ZRANB3: variants seen among roughly 807,000 people sequenced by gnomAD.
ZRANB3 encodes the protein zinc finger RANBP2-type containing 3, also known as DNA annealing helicase and endonuclease ZRANB3.
In ZRANB3, 125 loss-of-function variants were observed where a neutral mutation model predicts 133.8. That is an observed-to-expected ratio of 0.93 (90% CI 0.81 to 1.08). ZRANB3 has a LOEUF of 1.08. Among genes scored for constraint, ZRANB3 ranks in the 50% least tolerant of loss-of-function variants. The pLI, the probability that ZRANB3 is intolerant of heterozygous loss-of-function variation, is 0.00. For missense variants in ZRANB3, 1,229 were observed against 1,275.5 expected (o/e 0.96, Z 0.56); for synonymous variants, 387 against 432.7 (o/e 0.89, Z 1.31).
At chr2:135,327,552 TAGTC>T (rs1191096720) in intron 6 of ZRANB3, among the ~76,000 whole-genome samples, 3 of 152,184 alleles carry the variant, frequency 2.0e-5, no homozygotes, top group African/African-American at 4.8e-5. Context: ...TTAATATACT[TAGTC>T]AATAATATAA....
At chr2:135,327,871 G>A (rs964550097) in intron 6 of ZRANB3, among the ~76,000 whole-genome samples, 2 of 151,948 alleles carry the variant, frequency 1.3e-5, no homozygotes, top group Admixed American at 6.6e-5. Context: ...TTTAGTTACT[G>A]ATATCAAAAA....
At chr2:135,428,433 A>G (rs1689186228) in intron 2 of ZRANB3, among the ~76,000 whole-genome samples, 1 of 149,314 alleles carries the variant, frequency 6.7e-6, no homozygotes, top group Non-Finnish European at 1.5e-5. Context: ...TTCCAAAAAA[A>G]AAAAAAAAAA....
At chr2:135,274,987 T>C (rs1466946227) in intron 9 of ZRANB3, among the ~76,000 whole-genome samples, 1 of 152,252 alleles carries the variant, frequency 6.6e-6, no homozygotes, top group Non-Finnish European at 1.5e-5. Flanking sequence ...GAATTTTTCT[T>C]AGTACAGAAC....
chr2:135,451,761 C>G (rs994747725), intron 2 of ZRANB3, among the ~76,000 whole-genome samples: 3 of 152,124 alleles, frequency 2.0e-5, no homozygotes, highest in Non-Finnish European at 4.4e-5. Flanking sequence ...AAAACTGTTA[C>G]TAATTACAGC....
At chr2:135,230,968 C>A (rs1215146078) in intron 12 of ZRANB3, 41 bp from the exon 13 acceptor site, 2 of 1,490,354 alleles carry the variant, frequency 1.3e-6, no homozygotes, top group Non-Finnish European at 1.8e-6. Context: ...AAGAAGCAAT[C>A]TAATATGTTC....
intron 2 of ZRANB3, among the ~76,000 whole-genome samples, chr2:135,497,961 G>A (rs960959093): frequency 3.9e-5 from 6 of 151,970 alleles, no homozygotes; most frequent in Non-Finnish European, 5.9e-5. Flanking sequence ...GCTGAGGCAG[G>A]AGAATCGCTG....
At position 135,306,582 on chromosome 2, in the gene ZRANB3, G is replaced by A. The variant is rs544329041; in HGVS notation, c.966+6907C>T. ...GCTGGGATTACAGGCATGAGCCACC[G>A]CACCCGGCCTTTTTTTTTTTTTTTA... On this transcript the variant is annotated intron_variant, in intron 8 of 20. Transcript: ENST00000264159. Among the ~76,000 whole-genome samples, 23 of 141,020 alleles carry A rather than the reference G, an allele frequency of 1.6e-4. No homozygotes were observed. The South Asian group carries it at 2.2e-3, about 14-fold the overall frequency. 92.5% of individuals were successfully genotyped at this position (141,020 alleles called of 152,430 possible).
chr2:135,311,256 G>A (rs1682955298), intron 8 of ZRANB3, among the ~76,000 whole-genome samples: 1 of 152,078 alleles, frequency 6.6e-6, no homozygotes, highest in Non-Finnish European at 1.5e-5. Flanking sequence ...TTAAAAGCAC[G>A]ATGAGATGCC....
chr2:135,376,450 C>A (rs534335920), intron 3 of ZRANB3, among the ~76,000 whole-genome samples: 17 of 152,270 alleles, frequency 1.1e-4, no homozygotes, highest in African/African-American at 3.4e-4. Context: ...GTCTCTTCAT[C>A]TTTGTGAACG....
intron 8 of ZRANB3, among the ~76,000 whole-genome samples, chr2:135,308,330 T>C (rs1297743449): frequency 6.6e-6 from 1 of 152,130 alleles, no homozygotes; most frequent in Non-Finnish European, 1.5e-5. Context: ...CATCATGGAC[T>C]AGGCTTTGAG....
At chr2:135,203,910 C>T (rs1693740875) in intron 19 of ZRANB3, among the ~76,000 whole-genome samples, 1 of 152,134 alleles carries the variant, frequency 6.6e-6, no homozygotes, top group South Asian at 2.1e-4. Flanking sequence ...TCAATGATAA[C>T]CTACATTAAA....
chr2:135,257,311 T>TA (rs1335471998), intron 12 of ZRANB3, among the ~76,000 whole-genome samples: 20 of 152,232 alleles, frequency 1.3e-4, no homozygotes, highest in Admixed American at 1.3e-3. Flanking sequence ...TGGTAACATA[T>TA]AGATTAACCA....
At chr2:135,406,931 T>A (rs1424821808) in intron 2 of ZRANB3, among the ~76,000 whole-genome samples, 1 of 152,160 alleles carries the variant, frequency 6.6e-6, no homozygotes, top group Non-Finnish European at 1.5e-5. Flanking sequence ...ATGCCCTCTC[T>A]CACCACTCCT....
At chr2:135,375,629 G>T (rs1401737232) in intron 3 of ZRANB3, among the ~76,000 whole-genome samples, 1 of 151,806 alleles carries the variant, frequency 6.6e-6, no homozygotes, top group African/African-American at 2.4e-5. Context: ...AGCTTGCAGT[G>T]AGCCGAGATT....
In ZRANB3 at chr2:135,219,136, T is replaced by C. The variant is rs1390261116; in HGVS notation, c.2293A>G (p.Lys765Glu). ...MSCNFIPLDI[K>E]LDLWEDLPAS... ...GGTAAATCTTCCCAAAGGTCTAATT[T>C]TATATCCAGAGGAATGAAATTACAG... is the stretch of plus-strand genomic sequence containing the variant. The change falls in exon 16 of 21, where the codon AAA becomes GAA. Residue 765 changes from lysine (K) to glutamate (E), a missense_variant. Physicochemically the swap from Lys to Glu is moderately conservative, Grantham distance 56. Coordinates refer to ENST00000264159, the MANE Select transcript of ZRANB3 (RefSeq NM_032143.4). 6.5e-7 allele frequency: 1 copy of C among 1,542,294 alleles called. No individual in the cohort carries two copies. Among genetic ancestry groups the C allele is most frequent in the East Asian group, 2.4e-5 (1 of 42,078 alleles).
At chr2:135,409,123 T>G (rs1574058850) in intron 2 of ZRANB3, among the ~76,000 whole-genome samples, 1 of 151,620 alleles carries the variant, frequency 6.6e-6, no homozygotes, top group South Asian at 2.1e-4. Flanking sequence ...TAGTGGGAGG[T>G]GAAGGAGGAG....
intron 2 of ZRANB3, among the ~76,000 whole-genome samples, chr2:135,433,260 G>A (rs572626116): frequency 4.4e-4 from 67 of 152,032 alleles, no homozygotes; most frequent in African/African-American, 1.6e-3. Context: ...GGTGACGTGC[G>A]CCTGTAATCC....
chr2:135,483,785 G>T (rs138856556), intron 2 of ZRANB3, among the ~76,000 whole-genome samples: 6,733 of 152,222 alleles, frequency 0.044, 500 homozygotes, highest in African/African-American at 0.15. Context: ...TGCTTTGAAT[G>T]CGTCCCAGAG....
chr2:135,200,338 T>C lies in ZRANB3; in HGVS notation c.*4A>G. On this transcript the variant is annotated 3_prime_UTR_variant, in exon 21 of 21. Coordinates refer to ENST00000264159, the MANE Select transcript of ZRANB3 (RefSeq NM_032143.4). Reference sequence around the variant, plus strand: ...TTTGTCATTCATTCATATATTTTTCTACTTTACTTCTTTACCAAAAATCGT... The same window carrying C: ...TTTGTCATTCATTCATATATTTTTCCACTTTACTTCTTTACCAAAAATCGT... The C allele has an allele frequency of 6.3e-7, 1 of 1,581,380 alleles. No individual in the cohort carries two copies. Among genetic ancestry groups the C allele is most frequent in the Non-Finnish European group, 8.6e-7 (1 of 1,161,504 alleles).
Sources: gnomAD v4.1 joint callset for allele counts (sites outside exome capture counted in the v4.1 genomes callset) on GRCh38, gnomAD v4.1.1 for gene constraint, MANE v1.5 for transcripts, NCBI Gene and HGNC (gene_info 2026-07-23, HGNC 2026-07-21) for gene names.